Variants in FNIP2 observed in about 807,000 individuals in gnomAD.
FNIP2 encodes the protein folliculin interacting protein 2, also known as folliculin-interacting protein 2.
Under a neutral mutation model 108.7 loss-of-function variants are expected in FNIP2, and 32 were observed. The ratio of observed to expected loss-of-function variants is 0.29; its 90% confidence interval spans 0.22 to 0.40. The LOEUF (loss-of-function observed/expected upper bound fraction) is 0.40. Among genes scored for constraint, FNIP2 ranks in the 10% least tolerant of loss-of-function variants. The pLI is 1.00. For synonymous variants in FNIP2, 480 were observed against 496.7 expected (o/e 0.97, Z 0.45); for missense variants, 1,202 against 1,381.6 (o/e 0.87, Z 2.06).
intron 12 of FNIP2, 81 bp downstream of exon 12, chr4:158,861,857 T>C: frequency 2.7e-6 from 4 of 1,481,006 alleles, no homozygotes; most frequent in Non-Finnish European, 3.7e-6. Flanking sequence ...TTATACCGGC[T>C]CTCTCACCCA....
intron 10 of FNIP2, among the ~76,000 whole-genome samples, 173 bp downstream of exon 10, chr4:158,859,839 G>A (rs560545477): frequency 5.9e-5 from 9 of 152,296 alleles, no homozygotes; most frequent in Middle Eastern, 3.4e-3. Flanking sequence ...ATAATTTACC[G>A]CTGAGTAATC....
intron 2 of FNIP2, 137 bp from the exon 3 acceptor site, chr4:158,828,942 G>T: frequency 1.5e-6 from 1 of 671,818 alleles, no homozygotes; most frequent in Non-Finnish European, 2.4e-6. Context: ...TGTCATTATT[G>T]GGGAAAAAAA....
intron 1 of FNIP2, among the ~76,000 whole-genome samples, chr4:158,816,341 G>A (rs1032713917): frequency 6.6e-6 from 1 of 152,094 alleles, no homozygotes; most frequent in Non-Finnish European, 1.5e-5. Context: ...TCTATTATTA[G>A]TATATGATTT....
At chr4:158,896,894 G>A (rs1297524009) in intron 16 of FNIP2, among the ~76,000 whole-genome samples, 3 of 149,172 alleles carry the variant, frequency 2.0e-5, no homozygotes, top group Non-Finnish European at 3.0e-5. Context: ...TGTGCAAAAC[G>A]TGCAGGTCTG....
At chr4:158,871,704 T>C (rs966564113) in intron 14 of FNIP2, 1 of 985,282 alleles carries the variant, frequency 1.0e-6, no homozygotes, top group East Asian at 1.1e-4. Context: ...ACCAGGATAC[T>C]CCTGGGATGA....
At chr4:158,805,270 C>G (rs779896286) in intron 1 of FNIP2, among the ~76,000 whole-genome samples, 1 of 152,170 alleles carries the variant, frequency 6.6e-6, no homozygotes, top group Non-Finnish European at 1.5e-5. Flanking sequence ...TTGGGGCAAT[C>G]CCTTGTAGTT....
At chr4:158,894,170 C>CT (rs5863337) in intron 15 of FNIP2, among the ~76,000 whole-genome samples, 6,467 of 127,412 alleles carry the variant, frequency 0.051, 373 homozygotes, top group African/African-American at 0.14. Flanking sequence ...AAAATGTTTT[C>CT]TTTTTTTTTT....
At chr4:158,798,208 G>T (rs776202433) in intron 1 of FNIP2, among the ~76,000 whole-genome samples, 4 of 151,842 alleles carry the variant, frequency 2.6e-5, no homozygotes, top group African/African-American at 7.3e-5. Context: ...AGCATTACAC[G>T]CACGCACCAC....
chr4:158,900,985 T>C (rs1729187797), intron 16 of FNIP2, among the ~76,000 whole-genome samples: 1 of 152,184 alleles, frequency 6.6e-6, no homozygotes, highest in South Asian at 2.1e-4. Flanking sequence ...CTTTTTCCTT[T>C]CCATGTAGTG....
intron 8 of FNIP2, among the ~76,000 whole-genome samples, chr4:158,853,975 G>T (rs777750154): frequency 6.6e-5 from 10 of 152,102 alleles, no homozygotes; most frequent in Non-Finnish European, 1.3e-4. Context: ...TTTTAAAATG[G>T]CCTTCCTCTT....
At chr4:158,788,418 T>C (rs1776294100) in intron 1 of FNIP2, among the ~76,000 whole-genome samples, 1 of 152,234 alleles carries the variant, frequency 6.6e-6, no homozygotes, top group Non-Finnish European at 1.5e-5. Context: ...AATAAATCAA[T>C]AAGCAAAGGC....
At chr4:158,835,110 G>A (rs1199445001) in intron 6 of FNIP2, 1 of 180,950 alleles carries the variant, frequency 5.5e-6, no homozygotes, top group African/African-American at 2.4e-5. Context: ...TGCATCAACT[G>A]CACGAATCAT....
At chr4:158,780,691 G>A (rs971589514) in intron 1 of FNIP2, among the ~76,000 whole-genome samples, 3 of 152,166 alleles carry the variant, frequency 2.0e-5, no homozygotes, top group Admixed American at 1.3e-4. Context: ...AATATTTGAA[G>A]TACTTAAGAC....
intron 2 of FNIP2, among the ~76,000 whole-genome samples, chr4:158,828,673 G>A (rs974148051): frequency 6.6e-6 from 1 of 152,094 alleles, no homozygotes; most frequent in East Asian, 1.9e-4. Flanking sequence ...TAATAGTTTT[G>A]TTTTATTAGT....
chr4:158,875,367 C>T (rs1781210139), intron 14 of FNIP2, among the ~76,000 whole-genome samples: 1 of 151,726 alleles, frequency 6.6e-6, no homozygotes, highest in Admixed American at 6.6e-5. Context: ...GGGCTTCAAG[C>T]ATTTTACAGA....
At chr4:158,846,467 G>A (rs1458773667) in intron 7 of FNIP2, among the ~76,000 whole-genome samples, 1 of 152,102 alleles carries the variant, frequency 6.6e-6, no homozygotes, top group African/African-American at 2.4e-5. Context: ...CTGGCCAAGT[G>A]TCACAGCTAC....
At chr4:158,792,561 A>C (rs1256640526) in intron 1 of FNIP2, among the ~76,000 whole-genome samples, 2 of 152,238 alleles carry the variant, frequency 1.3e-5, no homozygotes, top group Non-Finnish European at 2.9e-5. Flanking sequence ...TTAATGAAGC[A>C]ACAATATGCA....
Position 158,791,266 on chromosome 4 carries a change from C to CTTTTTTTTTTTTTTTTTT in FNIP2, c.107+21959_107+21976dup, listed in dbSNP as rs199714823. 7.1e-5 allele frequency among the ~76,000 whole-genome samples: 7 copies of CTTTTTTTTTTTTTTTTTT among 98,050 alleles called. 1 individual carries two copies. The highest frequency in any genetic ancestry group is 8.0e-5 in the African/African-American group (2 of 24,886). 64.3% of individuals were successfully genotyped at this position (98,050 alleles called of 152,430 possible). On this transcript the variant is annotated intron_variant, in intron 1 of 16. Transcript: ENST00000264433. ...AGATGTTCCTTCTGCACTGAGGATC[C>CTTTTTTTTTTTTTTTTTT]TTTTTTTTTTTTTTTTTTTTTTTTT...
Position 158,831,688 on chromosome 4 carries a change from G to T in FNIP2, c.382-173G>T, listed in dbSNP as rs183956025. 6.3e-4 allele frequency among the ~76,000 whole-genome samples: 96 copies of T among 152,248 alleles called. 1 individual carries two copies. Among genetic ancestry groups the T allele is most frequent in the African/African-American group, 2.1e-3 (88 of 41,536 alleles). ...AATCACAAACATTAGTAATACTTTG[G>T]GGGGGAAAATAGGCAATCGCCATTA... On this transcript the variant is annotated intron_variant, in intron 3 of 16. Coordinates refer to ENST00000264433, the MANE Select transcript of FNIP2 (RefSeq NM_020840.3).
Sources: gnomAD v4.1 joint callset for allele counts (sites outside exome capture counted in the v4.1 genomes callset) on GRCh38, gnomAD v4.1.1 for gene constraint, MANE v1.5 for transcripts, NCBI Gene and HGNC (gene_info 2026-07-23, HGNC 2026-07-21) for gene names.